The following SELENOT variants were observed in gnomAD, a reference collection of about 807,000 sequenced individuals.
SELENOT encodes the protein thioredoxin reductase-like selenoprotein T.
In SELENOT, 9 loss-of-function variants were observed where a neutral mutation model predicts 24.3. The observed-to-expected ratio is 0.37, with a 90% CI of 0.22 to 0.65. The LOEUF (loss-of-function observed/expected upper bound fraction) is 0.65, where lower values mean the gene tolerates loss of function less well. Ranked by LOEUF, SELENOT falls within the 30% of genes least tolerant of loss-of-function variation. The pLI is 0.60. For missense variants in SELENOT, 166 were observed against 247.6 expected (o/e 0.67, Z 2.21); for synonymous variants, 81 against 86.0 (o/e 0.94, Z 0.32).
At chr3:150,616,009 T>A (rs1465857358) in intron 1 of SELENOT, among the ~76,000 whole-genome samples, 1 of 151,848 alleles carries the variant, frequency 6.6e-6, no homozygotes, top group East Asian at 1.9e-4. Context: ...GAGATATAGA[T>A]CAATGGAACA....
intron 1 of SELENOT, among the ~76,000 whole-genome samples, chr3:150,615,134 C>T (rs1301257279): frequency 2.0e-5 from 3 of 147,680 alleles, no homozygotes; most frequent in South Asian, 4.3e-4. Flanking sequence ...TTTGTTCTTG[C>T]AATAGTTTAC....
intron 1 of SELENOT, among the ~76,000 whole-genome samples, chr3:150,621,700 T>C (rs1318024083): frequency 7.0e-6 from 1 of 143,364 alleles, no homozygotes; most frequent in Non-Finnish European, 1.5e-5. Context: ...ATCTCCAGAG[T>C]AATTATAAGG....
rs750174317 is a variant in SELENOT at position 150,603,434 on chromosome 3, C to T, written c.72C>T (p.Gly24=). ...GGAGCGAGGCCTCGGCCAATCTGGG[C>T]GGCGTGCCCAGCAAGAGATTAAAGA... ...MVRSEASANL[G]GVPSKRLKMQ... Residue 24 remains glycine, a synonymous_variant, in exon 1 of 6, where the codon GGC becomes GGT. Transcript: ENST00000471696. The T allele has an allele frequency of 6.2e-6, 10 of 1,613,034 alleles. No individual in the cohort carries two copies. Among genetic ancestry groups the T allele is most frequent in the South Asian group, 1.1e-5 (1 of 91,020 alleles).
At chr3:150,614,091 C>T (rs575090506) in intron 1 of SELENOT, among the ~76,000 whole-genome samples, 2 of 151,458 alleles carry the variant, frequency 1.3e-5, no homozygotes, top group African/African-American at 4.8e-5. Context: ...ACCACAGTGC[C>T]AGAAAAAGAT....
At chr3:150,616,518 AC>A (rs1330539775) in intron 1 of SELENOT, among the ~76,000 whole-genome samples, 1 of 150,268 alleles carries the variant, frequency 6.7e-6, no homozygotes, top group Non-Finnish European at 1.5e-5. Flanking sequence ...AAAACAAACA[AC>A]CCCATCAAAA....
chr3:150,612,177 T>C (rs1364621202), intron 1 of SELENOT, among the ~76,000 whole-genome samples: 1 of 151,706 alleles, frequency 6.6e-6, no homozygotes, highest in Admixed American at 6.6e-5. Flanking sequence ...CACCGTAACC[T>C]CCGCCTCCCG....
At position 150,603,371 on chromosome 3, in the gene SELENOT, T is replaced by C; in HGVS notation, c.9T>C (p.Leu3=). 6.2e-7 allele frequency: 1 copy of C among 1,612,644 alleles called. No individual in the cohort carries two copies. Among genetic ancestry groups the C allele is most frequent in the Non-Finnish European group, 8.5e-7 (1 of 1,179,004 alleles). The part of the protein sequence containing the change: MR[L]LLLLLVAASA... ...TGGCTGGCTCATTTAAGATGAGGCTTCTGCTGCTTCTCCTAGTGGCGGCGT... is the reference window on the plus strand; with the variant it reads ...TGGCTGGCTCATTTAAGATGAGGCTCCTGCTGCTTCTCCTAGTGGCGGCGT... The change falls in exon 1 of 6, where the codon CTT becomes CTC. Residue 3 remains leucine, a synonymous_variant. Coordinates refer to ENST00000471696, the MANE Select transcript of SELENOT (RefSeq NM_016275.5).
At chr3:150,620,654 A>AAAAAC in intron 1 of SELENOT, among the ~76,000 whole-genome samples, 1 of 152,192 alleles carries the variant, frequency 6.6e-6, no homozygotes, top group Non-Finnish European at 1.5e-5. Flanking sequence ...ATAAAATACA[A>AAAAAC]GTTTTGACTA....
Position 150,622,451 on chromosome 3 carries a change from C to T in SELENOT, c.204C>T (p.Asp68=). The change falls in exon 2 of 6, where the codon GAC becomes GAT. Residue 68 remains aspartate, a synonymous_variant. Coordinates refer to ENST00000471696, the MANE Select transcript of SELENOT (RefSeq NM_016275.5). ...YMRVISQRYP[D]IRIEGENYLP... Reference sequence around the variant, plus strand: ...GGGTTATTAGCCAGCGGTACCCAGACATCCGCATTGAAGGAGAGAATTACC... The same window carrying T: ...GGGTTATTAGCCAGCGGTACCCAGATATCCGCATTGAAGGAGAGAATTACC... 1 of 1,503,822 alleles carries T rather than the reference C, an allele frequency of 6.6e-7. No individual in the cohort carries two copies. The highest frequency in any genetic ancestry group is 8.9e-7 in the Non-Finnish European group (1 of 1,117,558). The allele number at this position is 1,503,822 out of a possible 1,614,324, so 93.2% of individuals were successfully genotyped here. A position where few individuals can be genotyped will look rare whatever the true frequency, so the allele number is the denominator to read the frequency against.
chr3:150,608,060 T>G (rs1726007695), intron 1 of SELENOT, among the ~76,000 whole-genome samples: 1 of 152,198 alleles, frequency 6.6e-6, no homozygotes, highest in East Asian at 1.9e-4. Flanking sequence ...AATTGTATGT[T>G]TGTGGGGAAA....
chr3:150,608,280 C>G (rs1726014407), intron 1 of SELENOT, among the ~76,000 whole-genome samples: 1 of 152,174 alleles, frequency 6.6e-6, no homozygotes, highest in African/African-American at 2.4e-5. Context: ...GCCATGATAA[C>G]TGAAACTAAG....
intron 1 of SELENOT, chr3:150,611,892 G>T: frequency 9.9e-7 from 1 of 1,012,666 alleles, no homozygotes; most frequent in East Asian, 2.6e-5. Context: ...CCGAGCTCCG[G>T]GGTACCGGCG....
chr3:150,626,116 G>A (rs1162570546), intron 4 of SELENOT, among the ~76,000 whole-genome samples: 2 of 152,030 alleles, frequency 1.3e-5, no homozygotes, highest in East Asian at 1.9e-4. Flanking sequence ...TGATCCGCCC[G>A]CCTCCACCTC....
chr3:150,615,302 T>A (rs1446325667), intron 1 of SELENOT, among the ~76,000 whole-genome samples: 66 of 151,778 alleles, frequency 4.3e-4, no homozygotes, highest in Non-Finnish European at 8.2e-4. Context: ...TCTTTGCTAT[T>A]GTGAATAATG....
At position 150,617,801 on chromosome 3, in the gene SELENOT, G is replaced by C. The variant is rs115905459; in HGVS notation, c.138-4584G>C. Among the ~76,000 whole-genome samples, 1,123 of 151,340 alleles carry C rather than the reference G, an allele frequency of 7.4e-3. 17 individuals carry two copies. Among genetic ancestry groups the C allele is most frequent in the African/African-American group, 0.026 (1,063 of 41,272 alleles). ...AAAAAAACAAAAAAAAACTGAGCAC[G>C]CTTTTTATCTTCATTCAAAGTGTTT... On this transcript the variant is annotated intron_variant, in intron 1 of 5. Transcript: ENST00000471696.
intron 1 of SELENOT, chr3:150,611,660 G>T: frequency 1.3e-6 from 2 of 1,599,426 alleles, no homozygotes; most frequent in Non-Finnish European, 1.7e-6. Flanking sequence ...GGATCCTCTT[G>T]CTGAAGCTGG....
In SELENOT at chr3:150,622,462, A is replaced by C. The variant is rs1234038604; in HGVS notation, c.215A>C (p.Glu72Ala). Residue 72 changes from glutamate to alanine, a missense_variant, in exon 2 of 6, where the codon GAA becomes GCA. Glu to Ala is a moderately radical substitution (Grantham distance 107). Coordinates refer to ENST00000471696, the MANE Select transcript of SELENOT (RefSeq NM_016275.5). Reference sequence around the variant, plus strand: ...CAGCGGTACCCAGACATCCGCATTGAAGGAGAGAATTACCTCCCTCAACCA... The same window carrying C: ...CAGCGGTACCCAGACATCCGCATTGCAGGAGAGAATTACCTCCCTCAACCA... ...ISQRYPDIRI[E>A]GENYLPQPIY... is the part of the protein sequence containing the mutation. The C allele has an allele frequency of 1.8e-5, 27 of 1,501,876 alleles. No individual in the cohort carries two copies. The highest frequency in any genetic ancestry group is 2.4e-5 in the Non-Finnish European group (27 of 1,116,288). 93.0% of individuals were successfully genotyped at this position (1,501,876 alleles called of 1,614,324 possible). A position where few individuals can be genotyped will look rare whatever the true frequency, so the allele number is the denominator to read the frequency against.
intron 1 of SELENOT, among the ~76,000 whole-genome samples, chr3:150,607,912 T>C (rs1298606538): frequency 6.6e-6 from 1 of 152,184 alleles, no homozygotes; most frequent in African/African-American, 2.4e-5. Context: ...AAAGAATTGA[T>C]GGGAAACCAT....
intron 1 of SELENOT, among the ~76,000 whole-genome samples, chr3:150,618,149 A>C (rs1002551275): frequency 2.6e-5 from 4 of 152,144 alleles, no homozygotes; most frequent in Non-Finnish European, 5.9e-5. Flanking sequence ...GCACTGGCCG[A>C]TAGTCACTTT....
Sources: allele counts gnomAD v4.1 joint callset (sites outside exome capture counted in the v4.1 genomes callset), GRCh38; gene constraint gnomAD v4.1.1; transcripts MANE v1.5; gene names NCBI Gene and HGNC (gene_info 2026-07-23, HGNC 2026-07-21).